The following ARID3A variants were observed in gnomAD, a reference collection of about 807,000 sequenced individuals.
The protein encoded by ARID3A is AT-rich interaction domain 3A.
A neutral mutation model predicts 52.7 loss-of-function variants in ARID3A; 11 were observed. That is an observed-to-expected ratio of 0.21 (90% CI 0.13 to 0.35). The LOEUF is 0.35. ARID3A is among the 10% of genes least tolerant of loss of function. The pLI, the probability that ARID3A is intolerant of heterozygous loss-of-function variation, is 1.00. For synonymous variants in ARID3A, 404 were observed against 359.4 expected, an observed-to-expected ratio of 1.12 and a Z score of -1.40; for missense variants, 721 against 838.5, an observed-to-expected ratio of 0.86 and a Z score of 1.73.
At chr19:931,449 C>G (rs1196414158) in intron 2 of ARID3A, among the ~76,000 whole-genome samples, 1 of 107,194 alleles carries the variant, frequency 9.3e-6, no homozygotes, top group African/African-American at 5.6e-5. Context: ...GAGACTGTGT[C>G]TCAAAAAAAA....
At chr19:933,851 G>A (rs1017551058) in intron 3 of ARID3A, among the ~76,000 whole-genome samples, 8 of 148,498 alleles carry the variant, frequency 5.4e-5, no homozygotes, top group African/African-American at 2.0e-4. Flanking sequence ...CTCGGTGGGG[G>A]GGGGGGGCGT....
Position 964,234 on chromosome 19 carries a change from G to T in ARID3A, c.767-14G>T. The T allele has an allele frequency of 1.2e-6, 2 of 1,601,494 alleles. No homozygotes were observed. Among genetic ancestry groups the T allele is most frequent in the Non-Finnish European group, 1.7e-6 (2 of 1,171,242 alleles). ...CCAGGTGGCCCCCAACCTCCCTCTC[G>T]CCCCTTCCCCCAGGGACACCTGTGA... is the stretch of plus-strand genomic sequence containing the variant. On this transcript the variant is annotated splice_polypyrimidine_tract_variant and intron_variant, in intron 4 of 8. Transcript: ENST00000263620. This position sits in a 1 kb window ranked among gnomAD's most constrained non-coding sequence, Gnocchi z 5.7.
intron 3 of ARID3A, among the ~76,000 whole-genome samples, chr19:946,124 G>C (rs116273328): frequency 6.6e-6 from 1 of 152,146 alleles, no homozygotes; most frequent in Admixed American, 6.5e-5. Flanking sequence ...TGGCCGGTCT[G>C]GGGGGCGGGG....
chr19:945,943 C>T (rs547986353), intron 3 of ARID3A, among the ~76,000 whole-genome samples: 45 of 152,314 alleles, frequency 3.0e-4, no homozygotes, highest in African/African-American at 9.6e-4. Context: ...CCGTCCAGGT[C>T]CCGTCTGCAG....
At chr19:936,768 G>A (rs924663420) in intron 3 of ARID3A, among the ~76,000 whole-genome samples, 7 of 152,154 alleles carry the variant, frequency 4.6e-5, no homozygotes, top group East Asian at 1.9e-4. Flanking sequence ...CTTGAACTCA[G>A]AAGCAGAGGT....
Position 964,927 on chromosome 19 carries a change from G to A in ARID3A, c.1045G>A (p.Gly349Ser). 6.2e-7 allele frequency: 1 copy of A among 1,614,006 alleles called. No individual in the cohort carries two copies. The change falls in exon 6 of 9, where the codon GGC becomes AGC. Residue 349 changes from glycine to serine, a missense_variant. Physicochemically the swap from Gly to Ser is moderately conservative, Grantham distance 56 (BLOSUM62 0). This residue lies in a region of ARID3A where 297 missense variants were observed against 343.2 expected (regional missense o/e 0.87). Transcript: ENST00000263620. The surrounding 1 kb of genome is among the most constrained non-coding windows in gnomAD (Gnocchi z 5.7). ...QAAIDSNRRE[G>S]RRQSFGGSLF... ...AGCCATAGACAGCAACCGACGGGAG[G>A]GCCGGCGCCAGAGCTTTGGTGGCTC...
chr19:940,949 T>C (rs1339661277), intron 3 of ARID3A, among the ~76,000 whole-genome samples: 2 of 152,094 alleles, frequency 1.3e-5, no homozygotes, highest in South Asian at 2.1e-4. Flanking sequence ...CCCCTGGCAC[T>C]GTGCCCCGGC....
At chr19:969,665 A>G (rs2038235773) in intron 8 of ARID3A, among the ~76,000 whole-genome samples, 1 of 9,062 alleles carries the variant, frequency 1.1e-4, no homozygotes, top group Admixed American at 4.0e-4. Flanking sequence ...ATCTATATCT[A>G]CATAGATATA....
At position 972,339 on chromosome 19, in the gene ARID3A, G is replaced by A. The variant is rs974670907; in HGVS notation, c.*274G>A. On this transcript the variant is annotated 3_prime_UTR_variant, in exon 9 of 9. Transcript: ENST00000263620. ...TTTTGGACATTCAGAGAGATGAATT[G>A]TGAGAACAGCAAAGAAATCCATCAG... 1.4e-5 allele frequency: 3 copies of A among 216,112 alleles called. No individual in the cohort carries two copies. The highest frequency in any genetic ancestry group is 5.8e-5 in the Admixed American group (1 of 17,184). 13.4% of individuals were successfully genotyped at this position (216,112 alleles called of 1,614,324 possible).
At chr19:949,388 C>T (rs915775112) in intron 3 of ARID3A, among the ~76,000 whole-genome samples, 14 of 151,746 alleles carry the variant, frequency 9.2e-5, no homozygotes, top group Non-Finnish European at 1.8e-4. Context: ...ATCATCAGGC[C>T]TCCGGGAGGG....
In ARID3A at chr19:934,740, C is replaced by T. The variant is rs570749972; in HGVS notation, c.693+1998C>T. Among the ~76,000 whole-genome samples, 22 of 151,430 alleles carry T rather than the reference C, an allele frequency of 1.5e-4. 1 individual carries two copies. The East Asian group carries it at 3.9e-3, about 27-fold the overall frequency. ...AGGGCCTAGGGATGGTCGTGGGCAG[C>T]GGGGGTGGGGGGAGGCCCCCGCCCT... On this transcript the variant is annotated intron_variant, in intron 3 of 8. Transcript: ENST00000263620.
intron 6 of ARID3A, chr19:965,283 G>A (rs544955336): frequency 6.9e-5 from 42 of 611,822 alleles, no homozygotes; most frequent in South Asian, 3.3e-4. Context: ...CCACACAGGT[G>A]GCAGGCAGAC....
At chr19:926,178 A>T (rs2145331592) in intron 1 of ARID3A, 119 bp downstream of exon 1, 1 of 149,264 alleles carries the variant, frequency 6.7e-6, no homozygotes, top group South Asian at 2.2e-4. Flanking sequence ...CGCGCGCCCC[A>T]CTACGAGCCG....
Position 960,448 on chromosome 19 carries a change from T to C in ARID3A, c.766+284T>C, listed in dbSNP as rs1234397949. The stretch of plus-strand genomic sequence containing the variant: ...CCCAGAACAGACAGTCCAGGTCATC[T>C]CCTTAGCATCCAGGGTGCAGTGAAG... On this transcript the variant is annotated intron_variant, in intron 4 of 8. Coordinates refer to ENST00000263620, the MANE Select transcript of ARID3A (RefSeq NM_005224.3). This position sits in a 1 kb window ranked among gnomAD's most constrained non-coding sequence, Gnocchi z 4.3. Among the ~76,000 whole-genome samples, 1 of 151,992 alleles carries C rather than the reference T, an allele frequency of 6.6e-6. No individual in the cohort carries two copies. The highest frequency in any genetic ancestry group is 1.5e-5 in the Non-Finnish European group (1 of 67,968).
chr19:957,390 T>C (rs1339096829), intron 3 of ARID3A, among the ~76,000 whole-genome samples: 1 of 152,200 alleles, frequency 6.6e-6, no homozygotes, highest in Non-Finnish European at 1.5e-5. Context: ...CACTCGCCGC[T>C]GTGTCTCAGT....
In ARID3A at chr19:966,640, G is replaced by A. The variant is rs1231936611; in HGVS notation, c.1267G>A (p.Val423Met). The A allele has an allele frequency of 6.2e-7, 1 of 1,603,276 alleles. No homozygotes were observed. The highest frequency in any genetic ancestry group is 8.5e-7 in the Non-Finnish European group (1 of 1,172,274). ...TGTGTCCCTGGCGGGCCACCCTGTGGTGGCAGCCCAGGCAGCAGCTGTGCA... is the reference window on the plus strand; with the variant it reads ...TGTGTCCCTGGCGGGCCACCCTGTGATGGCAGCCCAGGCAGCAGCTGTGCA... The part of the protein sequence containing the change: ...LPVSLAGHPV[V>M]AAQAAAVQAA... Residue 423 changes from valine (V) to methionine (M), a missense_variant, in exon 7 of 9, where the codon GTG becomes ATG. Physicochemically the swap from Val to Met is conservative, Grantham distance 21. This residue lies in a region of ARID3A where 297 missense variants were observed against 343.2 expected (regional missense o/e 0.87). Transcript: ENST00000263620.
chr19:940,994 G>A lies in ARID3A; in HGVS notation c.693+8252G>A, dbSNP rs111826095. ...TGCCAGGAGCGTCGCTGACTCAGCC[G>A]GAAGAGCCTTATCTGGCCCCTGCGC... On this transcript the variant is annotated intron_variant, in intron 3 of 8. Coordinates refer to ENST00000263620, the MANE Select transcript of ARID3A (RefSeq NM_005224.3). Among the ~76,000 whole-genome samples, 414 of 152,190 alleles carry A rather than the reference G, an allele frequency of 2.7e-3. 4 individuals are homozygous for A. The highest frequency in any genetic ancestry group is 9.5e-3 in the African/African-American group (395 of 41,562).
chr19:935,300 C>T (rs2037416475), intron 3 of ARID3A, among the ~76,000 whole-genome samples: 1 of 152,210 alleles, frequency 6.6e-6, no homozygotes, highest in Non-Finnish European at 1.5e-5. Context: ...CGGGTTCTTT[C>T]CTTGGACACC....
At chr19:958,785 C>T (rs1202105124) in intron 3 of ARID3A, among the ~76,000 whole-genome samples, 2 of 151,464 alleles carry the variant, frequency 1.3e-5, no homozygotes, top group African/African-American at 4.9e-5. Flanking sequence ...CCCAGCTACT[C>T]GGGAGGCTGA....
Sources: gnomAD v4.1 joint callset for allele counts (sites outside exome capture counted in the v4.1 genomes callset) on GRCh38, gnomAD v4.1.1 for gene constraint, gnomAD v4.1.1 regional missense constraint, Gnocchi (gnomAD v3.1) non-coding constraint, MANE v1.5 for transcripts, NCBI Gene and HGNC (gene_info 2026-07-23, HGNC 2026-07-21) for gene names.